Variants in ADAMTS16 observed in about 807,000 individuals in gnomAD.
The protein encoded by ADAMTS16 is ADAM metallopeptidase with thrombospondin type 1 motif 16.
ADAMTS16 carries 94 observed loss-of-function variants against 145.8 expected under a neutral mutation model. The observed-to-expected ratio is 0.64, with a 90% CI of 0.55 to 0.77. ADAMTS16 has a LOEUF of 0.77. Among genes scored for constraint, ADAMTS16 ranks in the 30% least tolerant of loss-of-function variants. ADAMTS16 has a pLI of 0.00. For synonymous variants in ADAMTS16, 659 were observed against 604.3 expected, an observed-to-expected ratio of 1.09 and a Z score of -1.33; for missense variants, 1,585 against 1,591.5, an observed-to-expected ratio of 1.00 and a Z score of 0.07.
chr5:5,146,937 G>A (rs1254678389), intron 3 of ADAMTS16, among the ~76,000 whole-genome samples: 4 of 152,138 alleles, frequency 2.6e-5, no homozygotes, highest in Admixed American at 2.6e-4. Flanking sequence ...TTACACATTA[G>A]GGCATTCATC....
intron 18 of ADAMTS16, among the ~76,000 whole-genome samples, chr5:5,283,844 C>A (rs1739015000): frequency 6.6e-6 from 1 of 152,104 alleles, no homozygotes; most frequent in African/African-American, 2.4e-5. Flanking sequence ...GTAATTAAAC[C>A]ATCCTTGCAC....
chr5:5,171,157 A>T (rs1735032664), intron 3 of ADAMTS16, among the ~76,000 whole-genome samples: 1 of 152,180 alleles, frequency 6.6e-6, no homozygotes, highest in South Asian at 2.1e-4. Context: ...TATCAATTCT[A>T]ATAACTTTTT....
intron 10 of ADAMTS16, among the ~76,000 whole-genome samples, chr5:5,219,644 T>G (rs1056442300): frequency 1.3e-5 from 2 of 152,220 alleles, no homozygotes; most frequent in Non-Finnish European, 2.9e-5. Flanking sequence ...GGTTATATGA[T>G]CGTCAGTTTC....
chr5:5,253,109 T>C (rs768537795), intron 17 of ADAMTS16, among the ~76,000 whole-genome samples: 1 of 152,182 alleles, frequency 6.6e-6, no homozygotes, highest in Non-Finnish European at 1.5e-5. Context: ...GTGAAGCCTG[T>C]GAATGCAAAA....
At chr5:5,237,194 A>T (rs899030175) in intron 14 of ADAMTS16, 95 bp downstream of exon 14, 39 of 1,348,288 alleles carry the variant, frequency 2.9e-5, no homozygotes, top group African/African-American at 4.4e-5. Context: ...GACATATGAG[A>T]CAAGCCTTTC....
chr5:5,140,899 T>G (rs1579265632), intron 2 of ADAMTS16, 133 bp downstream of exon 2: 1 of 795,110 alleles, frequency 1.3e-6, no homozygotes, highest in Non-Finnish European at 1.8e-6. Flanking sequence ...TTGTGAACTT[T>G]TTTTTTTTTT....
intron 2 of ADAMTS16, 136 bp from the exon 3 acceptor site, chr5:5,145,994 T>G: frequency 1.4e-6 from 1 of 706,380 alleles, no homozygotes. Context: ...TCAGTATGGG[T>G]AGGTGTTGCA....
intron 11 of ADAMTS16, among the ~76,000 whole-genome samples, chr5:5,226,246 G>A (rs1051159247): frequency 1.3e-5 from 2 of 152,124 alleles, no homozygotes; most frequent in South Asian, 2.1e-4. Flanking sequence ...AGAGGTTTAT[G>A]GACTCACAGT....
At chr5:5,200,785 A>G (rs1024237184) in intron 9 of ADAMTS16, among the ~76,000 whole-genome samples, 1 of 151,734 alleles carries the variant, frequency 6.6e-6, no homozygotes, top group Non-Finnish European at 1.5e-5. Context: ...ACTTGAGTAT[A>G]TAAACTTTAA....
intron 3 of ADAMTS16, among the ~76,000 whole-genome samples, chr5:5,170,522 G>C (rs1329498677): frequency 2.6e-5 from 4 of 152,074 alleles, no homozygotes; most frequent in African/African-American, 9.7e-5. Context: ...GGGATTACAG[G>C]CATGCGCCAT....
chr5:5,278,608 T>C (rs1738785998), intron 18 of ADAMTS16, among the ~76,000 whole-genome samples: 1 of 152,246 alleles, frequency 6.6e-6, no homozygotes, highest in Admixed American at 6.5e-5. Context: ...ATATATCAAC[T>C]TCATGGATTC....
At chr5:5,199,475 G>T (rs1207215003) in intron 8 of ADAMTS16, among the ~76,000 whole-genome samples, 2 of 152,150 alleles carry the variant, frequency 1.3e-5, no homozygotes, top group African/African-American at 4.8e-5. Context: ...TTGGGTTTCT[G>T]TGGAGCTACT....
At chr5:5,201,702 A>G (rs947198743) in intron 9 of ADAMTS16, among the ~76,000 whole-genome samples, 2 of 152,260 alleles carry the variant, frequency 1.3e-5, no homozygotes, top group African/African-American at 4.8e-5. Flanking sequence ...GCTTAGCAGC[A>G]CCCAAGAAGT....
chr5:5,175,159 C>T (rs1237562673), intron 3 of ADAMTS16, among the ~76,000 whole-genome samples: 2 of 152,158 alleles, frequency 1.3e-5, no homozygotes, highest in East Asian at 1.9e-4. Context: ...AGGCCCATGT[C>T]GAGTACTGCC....
At chr5:5,181,210 C>T (rs1735329195) in intron 3 of ADAMTS16, among the ~76,000 whole-genome samples, 1 of 152,186 alleles carries the variant, frequency 6.6e-6, no homozygotes, top group African/African-American at 2.4e-5. Flanking sequence ...CACGTTAACT[C>T]ATAATGTCTG....
chr5:5,150,834 C>T (rs998567982), intron 3 of ADAMTS16, among the ~76,000 whole-genome samples: 2 of 152,224 alleles, frequency 1.3e-5, no homozygotes, highest in African/African-American at 4.8e-5. Flanking sequence ...CATCCTACTG[C>T]TTTCTGACTT....
Position 5,191,722 on chromosome 5 carries a change from C to T in ADAMTS16, c.1245C>T (p.Arg415=). 6.2e-7 allele frequency: 1 copy of T among 1,613,762 alleles called. No homozygotes were observed. The highest frequency in any genetic ancestry group is 8.5e-7 in the Non-Finnish European group (1 of 1,179,748). Residue 415 remains arginine (R), a synonymous_variant, in exon 8 of 23, where the codon CGC becomes CGT. Transcript: ENST00000274181. Reference sequence around the variant, plus strand: ...TAAGTGGAATGTGTAGTAAATATCGCAGCTGCACGATTAATGAAGATACAG... The same window carrying T: ...TAAGTGGAATGTGTAGTAAATATCGTAGCTGCACGATTAATGAAGATACAG... ...APISGMCSKY[R]SCTINEDTGL...
At chr5:5,282,195 G>A (rs1738946125) in intron 18 of ADAMTS16, among the ~76,000 whole-genome samples, 1 of 152,110 alleles carries the variant, frequency 6.6e-6, no homozygotes, top group Admixed American at 6.5e-5. Flanking sequence ...ACATTGATTT[G>A]TGGCTGTTAC....
intron 10 of ADAMTS16, among the ~76,000 whole-genome samples, chr5:5,210,102 A>C (rs902440159): frequency 1.3e-5 from 2 of 152,188 alleles, no homozygotes; most frequent in African/African-American, 4.8e-5. Flanking sequence ...GGAGTCCCAG[A>C]CTGGAACAAG....
Sources: gnomAD v4.1 joint callset for allele counts (sites outside exome capture counted in the v4.1 genomes callset) on GRCh38, gnomAD v4.1.1 for gene constraint, MANE v1.5 for transcripts, NCBI Gene and HGNC (gene_info 2026-07-23, HGNC 2026-07-21) for gene names.